GRIK2: variants seen among roughly 807,000 people sequenced by gnomAD.
GRIK2 encodes glutamate ionotropic receptor kainate type subunit 2, also known as glutamate receptor ionotropic, kainate 2.
GRIK2 carries 32 observed loss-of-function variants against 100.3 expected under a neutral mutation model. That is an observed-to-expected ratio of 0.32 (90% CI 0.24 to 0.43). The LOEUF is 0.43. GRIK2 is among the 20% of genes least tolerant of loss of function. GRIK2 has a pLI of 1.00. For synonymous variants in GRIK2, 417 were observed against 389.4 expected (o/e 1.07, Z -0.83); for missense variants, 843 against 1,114.9 (o/e 0.76, Z 3.47).
intron 2 of GRIK2, among the ~76,000 whole-genome samples, chr6:101,532,247 C>T (rs745404840): frequency 5.3e-5 from 8 of 151,904 alleles, no homozygotes; most frequent in Non-Finnish European, 8.8e-5. Flanking sequence ...GCTCTTTCTT[C>T]TATTCTGAAG....
chr6:101,746,220 A>G (rs1372517238), intron 7 of GRIK2, among the ~76,000 whole-genome samples: 1 of 152,168 alleles, frequency 6.6e-6, no homozygotes, highest in Non-Finnish European at 1.5e-5. Flanking sequence ...GGTGGTATAA[A>G]TACAGAATAG....
intron 2 of GRIK2, among the ~76,000 whole-genome samples, chr6:101,524,150 T>G (rs968096033): frequency 3.3e-5 from 5 of 152,186 alleles, no homozygotes; most frequent in African/African-American, 1.2e-4. Context: ...ACTTGATTTT[T>G]CCATAATTCC....
rs1218531073 is a variant in GRIK2, at chr6:101,924,694, T to C, written c.1842T>C (p.Phe614=). The change falls in exon 13 of 17, where the codon TTT becomes TTC. Residue 614 remains phenylalanine, a synonymous_variant. Transcript: ENST00000369134. ...TTACCTTGCTAAATAGTTTCTGGTT[T>C]GGAGTTGGAGCTCTCATGCAGCAAG... The part of the protein sequence containing the change: ...NNFTLLNSFW[F]GVGALMQQGS... The C allele has an allele frequency of 6.2e-7, 1 of 1,607,036 alleles. No homozygotes were observed. The highest frequency in any genetic ancestry group is 2.2e-5 in the East Asian group (1 of 44,820).
chr6:101,873,837 T>C lies in GRIK2; in HGVS notation c.1524+14344T>C, dbSNP rs1029173987. Among the ~76,000 whole-genome samples the C allele has an allele frequency of 7.8e-4, 119 of 152,280 alleles. No homozygotes were observed. In the Middle Eastern group the frequency reaches 0.027, roughly 35 times the overall value. ...ATTATGGTTTTGATTTGCATTTCTC[T>C]GATGGCCAGTGATGATGAGCATCTT... On this transcript the variant is annotated intron_variant, in intron 11 of 16. Transcript: ENST00000369134.
At chr6:101,761,400 A>T (rs752408747) in intron 7 of GRIK2, among the ~76,000 whole-genome samples, 1 of 152,118 alleles carries the variant, frequency 6.6e-6, no homozygotes, top group Non-Finnish European at 1.5e-5. Context: ...AGGTTCCCCT[A>T]AAGGCAAATA....
chr6:101,493,540 A>G (rs534898135), intron 2 of GRIK2, among the ~76,000 whole-genome samples: 1 of 152,212 alleles, frequency 6.6e-6, no homozygotes, highest in Non-Finnish European at 1.5e-5. Flanking sequence ...GGAAAATAGA[A>G]ACATTCTCAG....
intron 11 of GRIK2, among the ~76,000 whole-genome samples, chr6:101,862,159 A>C (rs1466674055): frequency 6.6e-6 from 1 of 152,086 alleles, no homozygotes; most frequent in Non-Finnish European, 1.5e-5. Context: ...CCTGTAATGG[A>C]TAATGAGATT....
At chr6:101,627,613 A>G (rs1044092156) in intron 4 of GRIK2, among the ~76,000 whole-genome samples, 5 of 152,210 alleles carry the variant, frequency 3.3e-5, no homozygotes, top group African/African-American at 1.2e-4. Flanking sequence ...AACAAACTTT[A>G]TAAGGCATGT....
intron 7 of GRIK2, among the ~76,000 whole-genome samples, chr6:101,762,207 C>T (rs1420980664): frequency 1.3e-5 from 2 of 150,964 alleles, no homozygotes; most frequent in Non-Finnish European, 2.9e-5. Context: ...CAGGGTGTCA[C>T]TCTGTTGCCC....
chr6:101,982,734 A>G (rs1253871971), intron 14 of GRIK2, among the ~76,000 whole-genome samples: 1 of 151,492 alleles, frequency 6.6e-6, no homozygotes, highest in South Asian at 2.1e-4. Context: ...TGGATTAGAC[A>G]TAAGTGTAGA....
intron 7 of GRIK2, among the ~76,000 whole-genome samples, chr6:101,793,869 C>G (rs1449919966): frequency 6.6e-6 from 1 of 152,182 alleles, no homozygotes; most frequent in Non-Finnish European, 1.5e-5. Context: ...CCACCCAGTT[C>G]AAGCTTCCTG....
At chr6:101,899,384 G>A (rs778914010) in intron 12 of GRIK2, among the ~76,000 whole-genome samples, 3 of 151,618 alleles carry the variant, frequency 2.0e-5, no homozygotes, top group Non-Finnish European at 3.0e-5. Flanking sequence ...AGAAATTCAC[G>A]TTTCATTCCT....
intron 9 of GRIK2, among the ~76,000 whole-genome samples, chr6:101,809,755 A>G (rs1781216995): frequency 6.6e-6 from 1 of 151,996 alleles, no homozygotes; most frequent in Admixed American, 6.6e-5. Flanking sequence ...ATCCAAGCCT[A>G]TTGCCTTTCT....
intron 14 of GRIK2, among the ~76,000 whole-genome samples, chr6:101,978,490 G>A (rs1435982740): frequency 2.6e-5 from 4 of 151,734 alleles, no homozygotes; most frequent in Non-Finnish European, 4.4e-5. Context: ...CAGCTGTTTG[G>A]TACTATTCAT....
chr6:101,760,570 T>G (rs1194631457), intron 7 of GRIK2, among the ~76,000 whole-genome samples: 1 of 80,662 alleles, frequency 1.2e-5, no homozygotes, highest in Non-Finnish European at 1.9e-5. Flanking sequence ...TTAATTATAT[T>G]TAATTAATTA....
At chr6:101,843,633 C>G (rs953776092) in intron 10 of GRIK2, among the ~76,000 whole-genome samples, 2 of 152,148 alleles carry the variant, frequency 1.3e-5, no homozygotes, top group Non-Finnish European at 2.9e-5. Flanking sequence ...TACCACAGCA[C>G]AGGTCACGTC....
chr6:102,048,215 G>A (rs1770997909), intron 15 of GRIK2, among the ~76,000 whole-genome samples: 1 of 151,508 alleles, frequency 6.6e-6, no homozygotes, highest in African/African-American at 2.4e-5. Context: ...AACTCAAAAT[G>A]CATTAAAGAA....
At chr6:101,643,552 A>G (rs148111917) in intron 4 of GRIK2, among the ~76,000 whole-genome samples, 348 of 151,726 alleles carry the variant, frequency 2.3e-3, no homozygotes, top group Middle Eastern at 0.01. Context: ...CATATGTGAG[A>G]GTTTATTTCT....
At chr6:101,833,907 G>A (rs80008182) in intron 10 of GRIK2, among the ~76,000 whole-genome samples, 6,985 of 152,078 alleles carry the variant, frequency 0.046, 188 homozygotes, top group Non-Finnish European at 0.057. Context: ...AGATGAACTG[G>A]TTTCAGAGCA....
Sources: gnomAD v4.1 joint callset for allele counts (sites outside exome capture counted in the v4.1 genomes callset) on GRCh38, gnomAD v4.1.1 for gene constraint, MANE v1.5 for transcripts, NCBI Gene and HGNC (gene_info 2026-07-23, HGNC 2026-07-21) for gene names.